RAPGEF4: variants seen among roughly 807,000 people sequenced by gnomAD.
RAPGEF4 encodes the protein Rap guanine nucleotide exchange factor 4.
A neutral mutation model predicts 147.9 loss-of-function variants in RAPGEF4; 66 were observed. The observed-to-expected ratio is 0.45, with a 90% CI of 0.37 to 0.55. The LOEUF is 0.55. Ranked by LOEUF, RAPGEF4 falls within the 20% of genes least tolerant of loss-of-function variation. RAPGEF4 has a pLI of 0.00. For synonymous variants in RAPGEF4, 419 were observed against 442.7 expected (o/e 0.95, Z 0.67); for missense variants, 1,071 against 1,257.3 (o/e 0.85, Z 2.24).
At chr2:172,836,813 C>G (rs1329204723) in intron 4 of RAPGEF4, among the ~76,000 whole-genome samples, 1 of 152,214 alleles carries the variant, frequency 6.6e-6, no homozygotes, top group Non-Finnish European at 1.5e-5. Flanking sequence ...AGTGCCACAT[C>G]AAAGTACTCA....
At chr2:172,997,627 A>G (rs1453797804) in intron 16 of RAPGEF4, among the ~76,000 whole-genome samples, 3 of 152,114 alleles carry the variant, frequency 2.0e-5, no homozygotes, top group African/African-American at 7.2e-5. Context: ...TGACTTTGCA[A>G]CAGCCCACAC....
chr2:172,928,809 C>G (rs1024400284), intron 6 of RAPGEF4, among the ~76,000 whole-genome samples: 1 of 152,034 alleles, frequency 6.6e-6, no homozygotes, highest in Non-Finnish European at 1.5e-5. Flanking sequence ...GTGTAATGTT[C>G]GATAGTTTAA....
intron 5 of RAPGEF4, among the ~76,000 whole-genome samples, chr2:172,918,296 G>GGTGAGTC (rs1684313503): frequency 6.9e-6 from 1 of 143,942 alleles, no homozygotes; most frequent in Admixed American, 7.0e-5. Context: ...GGAGAAGTGG[G>GGTGAGTC]GTGAGTCATT....
chr2:172,811,573 T>A (rs1688024393), intron 3 of RAPGEF4, among the ~76,000 whole-genome samples: 1 of 152,214 alleles, frequency 6.6e-6, no homozygotes, highest in East Asian at 1.9e-4. Flanking sequence ...TATTGAGGCA[T>A]GAGCAGTATG....
chr2:172,917,498 G>A, intron 4 of RAPGEF4: 1 of 627,070 alleles, frequency 1.6e-6, no homozygotes. Flanking sequence ...TGTTTGTGGG[G>A]TTGGGGAGGG....
chr2:172,767,107 T>C (rs1696919667), intron 1 of RAPGEF4, among the ~76,000 whole-genome samples: 1 of 152,162 alleles, frequency 6.6e-6, no homozygotes, highest in African/African-American at 2.4e-5. Context: ...TCATCCAAGA[T>C]ACAATAAGGT....
At chr2:172,853,849 T>C (rs534974109) in intron 4 of RAPGEF4, among the ~76,000 whole-genome samples, 2 of 148,716 alleles carry the variant, frequency 1.3e-5, no homozygotes, top group Non-Finnish European at 1.5e-5. Context: ...ACATATCTTG[T>C]TGGTATTGAT....
At chr2:172,906,978 A>T (rs571753619) in intron 4 of RAPGEF4, among the ~76,000 whole-genome samples, 3 of 152,212 alleles carry the variant, frequency 2.0e-5, no homozygotes, top group Non-Finnish European at 4.4e-5. Flanking sequence ...CGTGCACATT[A>T]TAAAAAGGGG....
intron 2 of RAPGEF4, among the ~76,000 whole-genome samples, chr2:172,795,992 G>A (rs2149548428): frequency 6.6e-6 from 1 of 152,316 alleles, no homozygotes; most frequent in Non-Finnish European, 1.5e-5. Context: ...TGTTTTAGAA[G>A]TCTCCCAGCA....
intron 10 of RAPGEF4, among the ~76,000 whole-genome samples, chr2:172,971,473 A>G (rs3769245): frequency 0.054 from 8,205 of 152,284 alleles, 286 homozygotes; most frequent in South Asian, 0.075. Flanking sequence ...TGTATATATA[A>G]GAGAATTGTT....
chr2:172,997,801 C>A (rs190295424), intron 16 of RAPGEF4, among the ~76,000 whole-genome samples: 9 of 152,242 alleles, frequency 5.9e-5, no homozygotes, highest in Non-Finnish European at 1.0e-4. Flanking sequence ...CCATAATTGA[C>A]CTTTGCTATA....
chr2:173,025,304 C>A (rs182082453), intron 23 of RAPGEF4, among the ~76,000 whole-genome samples: 1 of 152,280 alleles, frequency 6.6e-6, no homozygotes, highest in East Asian at 1.9e-4. Flanking sequence ...CATGTAATTT[C>A]TCTAGTGCCC....
At chr2:172,802,043 T>A (rs148341184) in intron 3 of RAPGEF4, among the ~76,000 whole-genome samples, 1 of 152,074 alleles carries the variant, frequency 6.6e-6, no homozygotes, top group East Asian at 1.9e-4. Context: ...TGAAGTACAC[T>A]GTGTACAAGA....
chr2:172,817,560 C>A (rs908452620), intron 4 of RAPGEF4, among the ~76,000 whole-genome samples: 1 of 152,038 alleles, frequency 6.6e-6, no homozygotes, highest in Non-Finnish European at 1.5e-5. Flanking sequence ...ATACGGGGAA[C>A]AATTATGTAT....
At chr2:173,018,601 GT>G (rs963738791) in intron 21 of RAPGEF4, 54 bp from the exon 22 acceptor site, 2 of 1,539,292 alleles carry the variant, frequency 1.3e-6, no homozygotes, top group African/African-American at 2.8e-5. Context: ...CATAACTATA[GT>G]TTTATTGAAA....
At chr2:172,817,053 TA>T (rs1205066890) in intron 4 of RAPGEF4, among the ~76,000 whole-genome samples, 1 of 152,240 alleles carries the variant, frequency 6.6e-6, no homozygotes, top group Non-Finnish European at 1.5e-5. Flanking sequence ...AATTCTAAAG[TA>T]CCTTCTGAAT....
intron 17 of RAPGEF4, 121 bp from the exon 18 acceptor site, chr2:173,014,343 A>G: frequency 8.1e-7 from 1 of 1,236,740 alleles, no homozygotes; most frequent in East Asian, 2.4e-5. Context: ...GGCCTAGGGG[A>G]GGAATTCTAT....
chr2:173,014,562 C>T lies in RAPGEF4; in HGVS notation c.1757C>T (p.Ala586Val). ...RVIRLVLQWA[A>V]MYGDLLQEDD... ...ATCCGCCTGGTTCTACAGTGGGCTG[C>T]CATGTATGGAGACCTCCTGCAAGAG... The change falls in exon 18 of 31, where the codon GCC (alanine) becomes GTC (valine). Residue 586 changes from alanine to valine, a missense_variant. Coordinates refer to ENST00000397081, the MANE Select transcript of RAPGEF4 (RefSeq NM_007023.4). 1 of 1,614,126 alleles carries T rather than the reference C, an allele frequency of 6.2e-7. No homozygotes were observed.
intron 6 of RAPGEF4, among the ~76,000 whole-genome samples, chr2:172,947,835 T>A (rs1687829585): frequency 1.3e-5 from 2 of 152,182 alleles, no homozygotes; most frequent in East Asian, 3.9e-4. Flanking sequence ...AGAATATACA[T>A]GTAAAAAAAA....
Sources: gnomAD v4.1 joint callset for allele counts (sites outside exome capture counted in the v4.1 genomes callset) on GRCh38, gnomAD v4.1.1 for gene constraint, MANE v1.5 for transcripts, NCBI Gene and HGNC (gene_info 2026-07-23, HGNC 2026-07-21) for gene names.